Variants in ZNF525 observed in about 807,000 individuals in gnomAD.
ZNF525 encodes zinc finger protein 525.
Under a neutral mutation model 37.6 loss-of-function variants are expected in ZNF525, and 33 were observed. The ratio of observed to expected loss-of-function variants is 0.88; its 90% CI spans 0.67 to 1.17. The LOEUF (loss-of-function observed/expected upper bound fraction) is 1.17. ZNF525 is among the 50% of genes most tolerant of loss of function. The pLI is 0.00. For missense variants in ZNF525, 449 were observed against 543.1 expected (o/e 0.83, Z 1.72); for synonymous variants, 170 against 182.3 (o/e 0.93, Z 0.54).
chr19:53,385,582 A>G lies in ZNF525; in HGVS notation c.*3563A>G, dbSNP rs759039088. On this transcript the variant is annotated 3_prime_UTR_variant, in exon 4 of 4. Transcript: ENST00000474037. Reference sequence around the variant, plus strand: ...CATGCCTGCCGTCTCAGTTATTGTGAAGTCTGTGCAGGGAGGATGGCATGA... The same window carrying G: ...CATGCCTGCCGTCTCAGTTATTGTGGAGTCTGTGCAGGGAGGATGGCATGA... 6.1e-4 allele frequency: 94 copies of G among 153,676 alleles called. No homozygotes were observed. The highest frequency in any genetic ancestry group is 1.1e-3 in the Non-Finnish European group (74 of 69,202). 9.5% of individuals were successfully genotyped at this position (153,676 alleles called of 1,614,324 possible).
intron 1 of ZNF525, among the ~76,000 whole-genome samples, chr19:53,370,235 T>A (rs1451946968): frequency 3.3e-5 from 5 of 149,478 alleles, no homozygotes; most frequent in Non-Finnish European, 5.9e-5. Flanking sequence ...CCTGGCTAAC[T>A]TGGTGAAACC....
intron 1 of ZNF525, among the ~76,000 whole-genome samples, chr19:53,366,224 C>T (rs2085442895): frequency 8.7e-6 from 1 of 115,362 alleles, no homozygotes; most frequent in South Asian, 2.7e-4. Flanking sequence ...CACGTCCCTC[C>T]TCATGCCGGG....
Position 53,383,749 on chromosome 19 carries a change from T to C in ZNF525, c.*1730T>C. ...AGAGATCTTACAAATGTAATAATTG[T>C]GGCAAATTTTTCAGACATCGTTCAT... On this transcript the variant is annotated 3_prime_UTR_variant, in exon 4 of 4. Coordinates refer to ENST00000474037, the MANE Select transcript of ZNF525 (RefSeq NM_001348156.2). 1 of 575,952 alleles carries C rather than the reference T, an allele frequency of 1.7e-6. No homozygotes were observed. The highest frequency in any genetic ancestry group is 1.7e-5 in the South Asian group (1 of 58,140). 35.7% of individuals were successfully genotyped at this position (575,952 alleles called of 1,614,324 possible).
Position 53,384,738 on chromosome 19 carries a change from T to C in ZNF525, c.*2719T>C. On this transcript the variant is annotated 3_prime_UTR_variant, in exon 4 of 4. Coordinates refer to ENST00000474037, the MANE Select transcript of ZNF525 (RefSeq NM_001348156.2). ...GAAGGTCATGTCGTCTACAAACAAA[T>C]GTAATTTTACTTCTTTCTTTCTGAT... The C allele has an allele frequency of 2.1e-6, 1 of 467,782 alleles. No individual in the cohort carries two copies. The allele number at this position is 467,782 out of a possible 1,614,324, so 29.0% of individuals were successfully genotyped here.
chr19:53,383,658 A>G lies in ZNF525; in HGVS notation c.*1639A>G, dbSNP rs2085584468. The G allele has an allele frequency of 4.5e-6, 4 of 886,604 alleles. No homozygotes were observed. The highest frequency in any genetic ancestry group is 5.1e-6 in the Non-Finnish European group (3 of 583,524). 54.9% of individuals were successfully genotyped at this position (886,604 alleles called of 1,614,324 possible). A position where few individuals can be genotyped will look rare whatever the true frequency, so the allele number is the denominator to read the frequency against. On this transcript the variant is annotated 3_prime_UTR_variant, in exon 4 of 4. Coordinates refer to ENST00000474037, the MANE Select transcript of ZNF525 (RefSeq NM_001348156.2). The stretch of plus-strand genomic sequence containing the variant: ...AGTGTAGGGAAACTTGACTAACGTA[A>G]TGATTCTCACAACGTCTTCAGTAAT...
intron 1 of ZNF525, among the ~76,000 whole-genome samples, chr19:53,369,183 TATAAGA>T (rs2085468237): frequency 1.3e-5 from 2 of 152,300 alleles, no homozygotes; most frequent in South Asian, 4.1e-4. Context: ...AACTTGGAGT[TATAAGA>T]TACATAAGGT....
In ZNF525 at chr19:53,386,249, C is replaced by T; in HGVS notation, c.*4230C>T. On this transcript the variant is annotated 3_prime_UTR_variant, in exon 4 of 4. Coordinates refer to ENST00000474037, the MANE Select transcript of ZNF525 (RefSeq NM_001348156.2). ...CTTCTTGCCACATCTTCTCAGAAGA[C>T]TTTCAGGATTAAGCGATTCCTGGCC... 1.5e-6 allele frequency: 1 copy of T among 656,208 alleles called. No individual in the cohort carries two copies. Among genetic ancestry groups the T allele is most frequent in the South Asian group, 1.4e-5 (1 of 73,658 alleles). The allele number at this position is 656,208 out of a possible 1,614,324, so 40.6% of individuals were successfully genotyped here.
intron 3 of ZNF525, chr19:53,376,344 CTT>C: frequency 2.8e-6 from 2 of 702,628 alleles, no homozygotes; most frequent in South Asian, 3.0e-5. Flanking sequence ...TTGAGTCAGT[CTT>C]TGCCTTCTGA....
chr19:53,376,295 TG>T, intron 3 of ZNF525: 1 of 677,422 alleles, frequency 1.5e-6, no homozygotes, highest in Non-Finnish European at 2.7e-6. Flanking sequence ...AGGGCTAATA[TG>T]AGTCTTCTGT....
At chr19:53,370,872 C>T (rs903551180) in intron 1 of ZNF525, among the ~76,000 whole-genome samples, 1 of 152,236 alleles carries the variant, frequency 6.6e-6, no homozygotes, top group Admixed American at 6.5e-5. Flanking sequence ...CAACTCCTCA[C>T]TGTGGCTCCA....
At chr19:53,379,118 CT>C (rs574789367) in intron 3 of ZNF525, among the ~76,000 whole-genome samples, 15,605 of 147,746 alleles carry the variant, frequency 0.11, 1,243 homozygotes, top group African/African-American at 0.22. Flanking sequence ...TTAGTCAATT[CT>C]TTTTTTTTTT....
intron 3 of ZNF525, among the ~76,000 whole-genome samples, chr19:53,378,774 T>C (rs554020655): frequency 6.6e-6 from 1 of 152,246 alleles, no homozygotes; most frequent in East Asian, 1.9e-4. Flanking sequence ...TATTCACGAG[T>C]AGTCAACACC....
rs1437403265 is a variant in ZNF525 at position 53,366,810 on chromosome 19, A to G, written c.-68+1051A>G. Among the ~76,000 whole-genome samples, 8 of 146,390 alleles carry G rather than the reference A, an allele frequency of 5.5e-5. No individual in the cohort carries two copies. In the East Asian group the frequency reaches 1.4e-3, roughly 26 times the overall value. ...AGAGAGTGGGGACAGGGGGTATAAC[A>G]GAGAAGAGAGAATTTAACGGGGAGA... On this transcript the variant is annotated intron_variant, in intron 1 of 3. Coordinates refer to ENST00000474037, the MANE Select transcript of ZNF525 (RefSeq NM_001348156.2).
Position 53,380,824 on chromosome 19 carries a change from T to A in ZNF525, c.245T>A (p.Ile82Asn), listed in dbSNP as rs540007218. The A allele has an allele frequency of 2.8e-6, 4 of 1,430,590 alleles. No individual in the cohort carries two copies. The highest frequency in any genetic ancestry group is 3.9e-6 in the Non-Finnish European group (4 of 1,012,988). 88.6% of individuals were successfully genotyped at this position (1,430,590 alleles called of 1,614,324 possible). A position where few individuals can be genotyped will look rare whatever the true frequency, so the allele number is the denominator to read the frequency against. ...GTLQRHERHH[I>N]GDFSFQEIEK... ...TTGCAAAGACATGAACGTCATCACA[T>A]TGGAGATTTTTCCTTCCAGGAAATT... Residue 82 changes from isoleucine (I) to asparagine (N), a missense_variant, in exon 4 of 4, where the codon ATT (isoleucine) becomes AAT (asparagine). By Grantham distance (149) the Ile-to-Asn change is moderately radical. Transcript: ENST00000474037.
At position 53,377,139 on chromosome 19, in the gene ZNF525, A is replaced by G. The variant is rs1024447089; in HGVS notation, c.142+1243A>G. Among the ~76,000 whole-genome samples, 4 of 152,352 alleles carry G rather than the reference A, an allele frequency of 2.6e-5. No individual in the cohort carries two copies. In the East Asian group the frequency reaches 5.8e-4, roughly 22 times the overall value. ...AAAAAAAGTTGAATTATGAAGGGAC[A>G]CATATACCAGTTTCTGTATCTGTCC... On this transcript the variant is annotated intron_variant, in intron 3 of 3. Coordinates refer to ENST00000474037, the MANE Select transcript of ZNF525 (RefSeq NM_001348156.2).
rs552822779 is a variant in ZNF525, at chr19:53,380,128, TCATCCAGG to T, written c.143-592_143-585del. Among the ~76,000 whole-genome samples, 624 of 152,158 alleles carry T rather than the reference TCATCCAGG, an allele frequency of 4.1e-3. 3 individuals are homozygous for T. The highest frequency in any genetic ancestry group is 0.014 in the African/African-American group (587 of 41,498). ...TTTTTTGAGATGGAGTCTCACTTTG[TCATCCAGG>T]CTGAAGTACAGTGGTGCGATCTCGG... On this transcript the variant is annotated intron_variant, in intron 3 of 3. Coordinates refer to ENST00000474037, the MANE Select transcript of ZNF525 (RefSeq NM_001348156.2).
At chr19:53,366,627 A>G (rs1310928457) in intron 1 of ZNF525, among the ~76,000 whole-genome samples, 2 of 149,108 alleles carry the variant, frequency 1.3e-5, no homozygotes, top group African/African-American at 2.6e-5. Flanking sequence ...GATGAAGGAC[A>G]GCAAGGTAGG....
intron 2 of ZNF525, among the ~76,000 whole-genome samples, chr19:53,375,245 C>A (rs2085513178): frequency 6.6e-6 from 1 of 152,260 alleles, no homozygotes; most frequent in East Asian, 1.9e-4. Context: ...AGACATCACT[C>A]ATACTCTGTC....
rs2708713 is a variant in ZNF525 at position 53,385,135 on chromosome 19, T to A, written c.*3116T>A. On this transcript the variant is annotated 3_prime_UTR_variant, in exon 4 of 4. Coordinates refer to ENST00000474037, the MANE Select transcript of ZNF525 (RefSeq NM_001348156.2). The stretch of plus-strand genomic sequence containing the variant: ...CAGAAATAACTGGCACTTGAATATC[T>A]ACATTTTTTTAATATCCTCTTGAAT... 0.11 allele frequency: 55,657 copies of A among 520,652 alleles called. 4,809 individuals are homozygous for A. Among genetic ancestry groups the A allele is most frequent in the African/African-American group, 0.34 (16,952 of 50,362 alleles). 32.3% of individuals were successfully genotyped at this position (520,652 alleles called of 1,614,324 possible).
Sources: gnomAD v4.1 joint callset for allele counts (sites outside exome capture counted in the v4.1 genomes callset) on GRCh38, gnomAD v4.1.1 for gene constraint, MANE v1.5 for transcripts, NCBI Gene and HGNC (gene_info 2026-07-23, HGNC 2026-07-21) for gene names.